The following CDH18 variants were observed in gnomAD, a reference collection of about 807,000 sequenced individuals.
The protein encoded by CDH18 is cadherin 18.
A neutral mutation model predicts 67.9 loss-of-function variants in CDH18; 31 were observed. That is an observed-to-expected ratio of 0.46 (90% confidence interval 0.34 to 0.62). CDH18 has a LOEUF of 0.62. Among genes scored for constraint, CDH18 ranks in the 20% least tolerant of loss-of-function variants. CDH18 has a pLI of 0.01. For synonymous variants in CDH18, 362 were observed against 347.2 expected, an observed-to-expected ratio of 1.04 and a Z score of -0.48; for missense variants, 890 against 975.5, an observed-to-expected ratio of 0.91 and a Z score of 1.17.
At chr5:20,568,441 T>G (rs1758634086) in intron 1 of CDH18, among the ~76,000 whole-genome samples, 3 of 152,124 alleles carry the variant, frequency 2.0e-5, no homozygotes, top group Non-Finnish European at 4.4e-5. Flanking sequence ...GTACTTGAGT[T>G]CAAGTCAAGG....
At chr5:20,185,129 T>C (rs1737988613) in intron 2 of CDH18, among the ~76,000 whole-genome samples, 1 of 152,194 alleles carries the variant, frequency 6.6e-6, no homozygotes, top group Non-Finnish European at 1.5e-5. Flanking sequence ...TCCCTAAATC[T>C]TGGAGTGATT....
intron 2 of CDH18, among the ~76,000 whole-genome samples, chr5:20,036,728 C>A (rs1437152957): frequency 6.6e-6 from 1 of 152,002 alleles, no homozygotes; most frequent in Non-Finnish European, 1.5e-5. Flanking sequence ...AAGTCTCCCA[C>A]TATTATTGTG....
intron 2 of CDH18, among the ~76,000 whole-genome samples, chr5:20,183,053 A>G (rs1274487743): frequency 6.6e-6 from 1 of 152,076 alleles, no homozygotes; most frequent in African/African-American, 2.4e-5. Flanking sequence ...GGTCATCAGT[A>G]AGATGAAGAT....
chr5:19,936,914 C>T lies in CDH18; in HGVS notation c.-257+44146G>A, dbSNP rs531248319. Among the ~76,000 whole-genome samples, 8 of 151,004 alleles carry T rather than the reference C, an allele frequency of 5.3e-5. No individual in the cohort carries two copies. The South Asian group carries it at 1.2e-3, about 24-fold the overall frequency. ...AATATTATACATATAGATACAGATA[C>T]TGCAATTATTGTGATTTTCAGTTTC... On this transcript the variant is annotated intron_variant, in intron 2 of 12. Transcript: ENST00000382275.
At chr5:20,321,410 T>C (rs901171387) in intron 1 of CDH18, among the ~76,000 whole-genome samples, 1 of 152,078 alleles carries the variant, frequency 6.6e-6, no homozygotes, top group Non-Finnish European at 1.5e-5. Context: ...TTCTCAGCCA[T>C]AAGCCTCCTT....
intron 5 of CDH18, among the ~76,000 whole-genome samples, chr5:19,655,882 C>T (rs1756294099): frequency 6.6e-6 from 1 of 151,918 alleles, no homozygotes; most frequent in Admixed American, 6.6e-5. Context: ...AGGATTTCCC[C>T]AAAGTCAATT....
intron 1 of CDH18, among the ~76,000 whole-genome samples, chr5:20,555,426 TTTTTTTTTTTTTTTTTTTTTTTTTC>T (rs1757850485): frequency 3.3e-3 from 72 of 21,942 alleles, no homozygotes; most frequent in East Asian, 0.011. Flanking sequence ...TTTTTTTTTT[TTTTTTTTTTTTTTTTTTTTTTTTTC>T]TTTTTTCTTT....
chr5:20,107,334 A>G (rs1747045640), intron 2 of CDH18, among the ~76,000 whole-genome samples: 2 of 152,264 alleles, frequency 1.3e-5, no homozygotes, highest in South Asian at 4.2e-4. Context: ...TTGGCCTCCC[A>G]AAGTGCTGTG....
intron 2 of CDH18, among the ~76,000 whole-genome samples, chr5:19,903,940 A>C (rs1229175346): frequency 1.3e-5 from 2 of 152,016 alleles, no homozygotes; most frequent in East Asian, 3.9e-4. Flanking sequence ...TAATAAGAAG[A>C]TCTATCCAAT....
chr5:20,493,520 T>C (rs528979328), intron 1 of CDH18, among the ~76,000 whole-genome samples: 1 of 152,100 alleles, frequency 6.6e-6, no homozygotes, highest in Admixed American at 6.6e-5. Flanking sequence ...CTACCATCAT[T>C]TGCATAAGGC....
At chr5:20,436,527 T>G (rs147257882) in intron 1 of CDH18, among the ~76,000 whole-genome samples, 1 of 151,930 alleles carries the variant, frequency 6.6e-6, no homozygotes, top group Non-Finnish European at 1.5e-5. Flanking sequence ...TGGTAGCTCC[T>G]TTATCTTATT....
intron 5 of CDH18, among the ~76,000 whole-genome samples, chr5:19,719,857 GAA>G (rs1417146936): frequency 6.7e-6 from 1 of 148,706 alleles, no homozygotes; most frequent in Non-Finnish European, 1.5e-5. Flanking sequence ...AAGAAAGAGA[GAA>G]AGAAAGAAAA....
At chr5:19,684,038 C>G (rs764561314) in intron 5 of CDH18, among the ~76,000 whole-genome samples, 5 of 152,034 alleles carry the variant, frequency 3.3e-5, no homozygotes, top group Non-Finnish European at 5.9e-5. Flanking sequence ...CTTTGTCATC[C>G]TTTCCTTTTA....
At chr5:19,475,152 G>A (rs540283805) in intron 12 of CDH18, among the ~76,000 whole-genome samples, 33 of 151,290 alleles carry the variant, frequency 2.2e-4, no homozygotes, top group African/African-American at 7.7e-4. Context: ...AAAATAAATG[G>A]CAGGATTCTC....
chr5:20,156,512 G>A (rs1354843174), intron 2 of CDH18, among the ~76,000 whole-genome samples: 1 of 152,048 alleles, frequency 6.6e-6, no homozygotes. Context: ...CTTAAAGTGG[G>A]AGCTAAACAA....
chr5:19,843,817 A>G (rs544946592), intron 2 of CDH18, among the ~76,000 whole-genome samples: 1 of 152,340 alleles, frequency 6.6e-6, no homozygotes, highest in East Asian at 1.9e-4. Context: ...CATGTGAGAC[A>G]TGGAGTAAAA....
chr5:20,441,655 T>G (rs1028107730), intron 1 of CDH18, among the ~76,000 whole-genome samples: 1 of 152,026 alleles, frequency 6.6e-6, no homozygotes, highest in Non-Finnish European at 1.5e-5. Flanking sequence ...AGTTAATTCC[T>G]TCCTCAGTTG....
chr5:19,883,121 C>A (rs1157371370), intron 2 of CDH18, among the ~76,000 whole-genome samples: 1 of 152,152 alleles, frequency 6.6e-6, no homozygotes, highest in East Asian at 1.9e-4. Flanking sequence ...AATGCTGGCT[C>A]GAGAGCACTG....
chr5:20,385,693 G>T (rs1025547415), intron 1 of CDH18, among the ~76,000 whole-genome samples: 2 of 152,102 alleles, frequency 1.3e-5, no homozygotes, highest in African/African-American at 4.8e-5. Context: ...AGAAAAGAAT[G>T]CTTTTTGATT....
Sources: allele counts gnomAD v4.1 joint callset (sites outside exome capture counted in the v4.1 genomes callset), GRCh38; gene constraint gnomAD v4.1.1; transcripts MANE v1.5; gene names NCBI Gene and HGNC (gene_info 2026-07-23, HGNC 2026-07-21).